RBM25: variants seen among roughly 807,000 people sequenced by gnomAD.
RBM25 encodes the protein RNA binding motif protein 25.
RBM25 carries 19 observed loss-of-function variants against 120.7 expected under a neutral mutation model. The ratio of observed to expected loss-of-function variants is 0.16; its 90% CI spans 0.11 to 0.23. The LOEUF is 0.23. RBM25 is among the 10% of genes least tolerant of loss of function. The probability of loss-of-function intolerance (pLI) is 1.00; values close to 1 mark genes in which losing one functional copy is unlikely to be tolerated. For missense variants in RBM25, 605 were observed against 1,041.5 expected (o/e 0.58, Z 5.77); for synonymous variants, 390 against 326.7 (o/e 1.19, Z -2.09).
Position 73,120,004 on chromosome 14 carries a change from CT to C in RBM25, c.*202del. 2 of 644,880 alleles carry C rather than the reference CT, an allele frequency of 3.1e-6. No homozygotes were observed. The highest frequency in any genetic ancestry group is 4.6e-6 in the Non-Finnish European group (2 of 437,142). 39.9% of individuals were successfully genotyped at this position (644,880 alleles called of 1,614,324 possible). On this transcript the variant is annotated 3_prime_UTR_variant, in exon 19 of 19. Coordinates refer to ENST00000261973, the MANE Select transcript of RBM25 (RefSeq NM_021239.3). ...TAAAGTCATCTGAATCCTTGGTTCT[CT>C]TTATACTCACCAGGTACAAATTACT...
At chr14:73,086,841 A>T (rs1473854703) in intron 5 of RBM25, among the ~76,000 whole-genome samples, 1 of 152,036 alleles carries the variant, frequency 6.6e-6, no homozygotes, top group South Asian at 2.1e-4. Flanking sequence ...AGTAGCTGGG[A>T]CTACAGGCAT....
At chr14:73,073,692 A>C (rs1254065461) in intron 2 of RBM25, among the ~76,000 whole-genome samples, 4 of 152,210 alleles carry the variant, frequency 2.6e-5, no homozygotes, top group Non-Finnish European at 5.9e-5. Context: ...TTGTCTCAAA[A>C]AGAAAAAAAA....
intron 10 of RBM25, 142 bp downstream of exon 10, chr14:73,103,620 C>T: frequency 7.9e-7 from 1 of 1,273,118 alleles, no homozygotes; most frequent in Non-Finnish European, 1.0e-6. Context: ...GCCTGGACTG[C>T]AGTGGCTGAG....
rs1160544269 is a variant in RBM25, at chr14:73,120,909, C to G, written c.*1104C>G. ...AATCATTCAAGGCAGTTACCAACCA[C>G]TAACTATTTGTTTTCATTTTTGTCT... On this transcript the variant is annotated 3_prime_UTR_variant, in exon 19 of 19. Transcript: ENST00000261973. 1.3e-5 allele frequency: 2 copies of G among 152,156 alleles called. No individual in the cohort carries two copies. Among genetic ancestry groups the G allele is most frequent in the Non-Finnish European group, 2.9e-5 (2 of 68,010 alleles). The allele number at this position is 152,156 out of a possible 1,614,324, so 9.4% of individuals were successfully genotyped here.
chr14:73,076,800 C>T (rs1386199630), intron 3 of RBM25, among the ~76,000 whole-genome samples: 1 of 152,170 alleles, frequency 6.6e-6, no homozygotes. Flanking sequence ...TTCCTCCTAC[C>T]TTCCTAAGGT....
At chr14:73,100,139 G>T in intron 9 of RBM25, 1 of 471,678 alleles carries the variant, frequency 2.1e-6, no homozygotes, top group Non-Finnish European at 3.8e-6. Flanking sequence ...CTTTAGAGCT[G>T]AGATTAAAAT....
At chr14:73,088,222 C>T in intron 6 of RBM25, 61 bp downstream of exon 6, 1 of 1,584,884 alleles carries the variant, frequency 6.3e-7, no homozygotes, top group South Asian at 1.1e-5. Context: ...TGTAGTGCTT[C>T]TCATTATAAA....
intron 4 of RBM25, among the ~76,000 whole-genome samples, chr14:73,078,849 C>G (rs999742844): frequency 3.3e-5 from 5 of 152,158 alleles, no homozygotes; most frequent in Non-Finnish European, 7.3e-5. Flanking sequence ...AGCAAACCGC[C>G]TGCGTTGGCT....
Position 73,078,947 on chromosome 14 carries a change from T to C in RBM25, c.324+1411T>C, listed in dbSNP as rs527766219. Among the ~76,000 whole-genome samples the C allele has an allele frequency of 8.5e-5, 13 of 152,336 alleles. No homozygotes were observed. The South Asian group carries it at 2.7e-3, about 32-fold the overall frequency. On this transcript the variant is annotated intron_variant, in intron 4 of 18. Coordinates refer to ENST00000261973, the MANE Select transcript of RBM25 (RefSeq NM_021239.3). ...CTGTGAGTCCTTTTCCCCAATGATGTTAAACAATGATTTTAGCATCCAATG... is the reference window on the plus strand; with the variant it reads ...CTGTGAGTCCTTTTCCCCAATGATGCTAAACAATGATTTTAGCATCCAATG...
intron 14 of RBM25, among the ~76,000 whole-genome samples, chr14:73,110,419 T>G (rs1002932336): frequency 6.7e-6 from 1 of 148,222 alleles, no homozygotes; most frequent in African/African-American, 2.5e-5. Flanking sequence ...GCCCATGTCC[T>G]TTTTTTTTTC....
At chr14:73,118,960 G>A (rs1365787672) in intron 18 of RBM25, among the ~76,000 whole-genome samples, 1 of 151,940 alleles carries the variant, frequency 6.6e-6, no homozygotes, top group Non-Finnish European at 1.5e-5. Flanking sequence ...GTAGAGATGG[G>A]GTTTCGTCAT....
chr14:73,094,573 A>G (rs995971316), intron 6 of RBM25, among the ~76,000 whole-genome samples: 7 of 151,116 alleles, frequency 4.6e-5, no homozygotes, highest in Non-Finnish European at 1.0e-4. Context: ...TCGGCCTCCC[A>G]AGTAGCTGGG....
intron 6 of RBM25, among the ~76,000 whole-genome samples, chr14:73,091,387 T>C (rs1226040757): frequency 6.6e-6 from 1 of 152,172 alleles, no homozygotes; most frequent in Non-Finnish European, 1.5e-5. Flanking sequence ...CTAAGTTTTA[T>C]ATTTTTTGTT....
At chr14:73,107,764 AG>A in intron 12 of RBM25, 61 bp from the exon 13 acceptor site, 1 of 1,224,130 alleles carries the variant, frequency 8.2e-7, no homozygotes, top group Non-Finnish European at 1.2e-6. Context: ...TACACAAAAA[AG>A]GGAAGAGTAA....
chr14:73,098,804 C>T (rs1356549058), intron 7 of RBM25, among the ~76,000 whole-genome samples: 1 of 152,034 alleles, frequency 6.6e-6, no homozygotes, highest in African/African-American at 2.4e-5. Flanking sequence ...CTGCCACGCC[C>T]AGCTACTTTT....
At chr14:73,107,644 T>C in intron 12 of RBM25, 182 bp from the exon 13 acceptor site, 1 of 548,832 alleles carries the variant, frequency 1.8e-6, no homozygotes. Context: ...CAGGAGAAAC[T>C]TTAGTTTCAT....
At chr14:73,097,933 A>G (rs543245433) in intron 7 of RBM25, among the ~76,000 whole-genome samples, 29 of 152,262 alleles carry the variant, frequency 1.9e-4, no homozygotes, top group African/African-American at 6.7e-4. Context: ...TTTCCTTTGG[A>G]TAAACTTAGA....
At chr14:73,099,281 G>C (rs1476897203) in intron 7 of RBM25, 99 bp from the exon 8 acceptor site, 1 of 1,050,662 alleles carries the variant, frequency 9.5e-7, no homozygotes, top group Admixed American at 2.4e-5. Flanking sequence ...GAAGTGTACT[G>C]TATTGTTCAC....
chr14:73,059,013 C>T (rs1218609619), intron 1 of RBM25, among the ~76,000 whole-genome samples: 1 of 152,128 alleles, frequency 6.6e-6, no homozygotes, highest in African/African-American at 2.4e-5. Context: ...TCTCTGCCCC[C>T]CCTGGGCTCC....
Sources: gnomAD v4.1 joint callset for allele counts (sites outside exome capture counted in the v4.1 genomes callset) on GRCh38, gnomAD v4.1.1 for gene constraint, MANE v1.5 for transcripts, NCBI Gene and HGNC (gene_info 2026-07-23, HGNC 2026-07-21) for gene names.